Variants in TRIM62 observed in about 807,000 individuals in gnomAD.
The protein encoded by TRIM62 is E3 ubiquitin-protein ligase TRIM62.
TRIM62 carries 39 observed loss-of-function variants against 44.2 expected under a neutral mutation model. The ratio of observed to expected loss-of-function variants is 0.88; its 90% CI spans 0.68 to 1.15. The LOEUF is 1.15. Among genes scored for constraint, TRIM62 ranks in the 50% most tolerant of loss-of-function variants. The pLI, the probability that TRIM62 is intolerant of heterozygous loss-of-function variation, is 0.00. For missense variants in TRIM62, 544 were observed against 665.5 expected (o/e 0.82, Z 2.01); for synonymous variants, 278 against 292.3 (o/e 0.95, Z 0.50).
At chr1:33,174,231 T>G (rs645594) in intron 1 of TRIM62, among the ~76,000 whole-genome samples, 151,637 of 152,058 alleles carry the variant, frequency 1, 75,608 homozygotes, top group Non-Finnish European at 1. Context: ...AGGCTGGCTG[T>G]AGTGCAGTGG....
intron 4 of TRIM62, among the ~76,000 whole-genome samples, chr1:33,157,287 G>A (rs569502217): frequency 1.2e-4 from 18 of 152,278 alleles, no homozygotes; most frequent in Admixed American, 5.9e-4. Flanking sequence ...CTGGGAAACA[G>A]AGGGAGACTG....
At chr1:33,175,031 T>TATGTATATGTATATGTA (rs1161088243) in intron 1 of TRIM62, among the ~76,000 whole-genome samples, 1,928 of 147,136 alleles carry the variant, frequency 0.013, 51 homozygotes, top group African/African-American at 0.042. Flanking sequence ...ATGTATATGT[T>TATGTATATGTATATGTA]TATGTATATG....
In TRIM62 at chr1:33,165,491, G is replaced by T; in HGVS notation, c.484C>A (p.Arg162=). Residue 162 remains arginine (R), a synonymous_variant, in exon 2 of 5, where the codon CGA becomes AGA. Transcript: ENST00000291416. This position sits in a 1 kb window ranked among gnomAD's most constrained non-coding sequence, Gnocchi z 4.0. The part of the protein sequence containing the change: ...EHTEALQLLK[R]QLAETKSSTK... ...CTCACCTTGGTCTCCGCCAGTTGTC[G>T]CTTGAGCAGCTGCAGCGCTTCGGTG... 4 of 1,607,388 alleles carry T rather than the reference G, an allele frequency of 2.5e-6. No homozygotes were observed. Among genetic ancestry groups the T allele is most frequent in the Non-Finnish European group, 3.4e-6 (4 of 1,176,962 alleles).
chr1:33,168,094 T>C (rs1645344191), intron 1 of TRIM62, among the ~76,000 whole-genome samples: 1 of 152,008 alleles, frequency 6.6e-6, no homozygotes, highest in African/African-American at 2.4e-5. Context: ...TTAGGTAGGG[T>C]GGCCAGGGAA....
rs1645342410 is a variant in TRIM62, at chr1:33,167,866, A to G, written c.409-2300T>C. Among the ~76,000 whole-genome samples, 1 of 152,242 alleles carries G rather than the reference A, an allele frequency of 6.6e-6. No individual in the cohort carries two copies. Among genetic ancestry groups the G allele is most frequent in the African/African-American group, 2.4e-5 (1 of 41,464 alleles). On this transcript the variant is annotated intron_variant, in intron 1 of 4. Coordinates refer to ENST00000291416, the MANE Select transcript of TRIM62 (RefSeq NM_018207.3). The surrounding 1 kb of genome is among the most constrained non-coding windows in gnomAD (Gnocchi z 4.2). ...ACAAAATTATCTTTGATTACTATCAATTATTCATTTAAAAAACATTTCTTG... is the reference window on the plus strand; with the variant it reads ...ACAAAATTATCTTTGATTACTATCAGTTATTCATTTAAAAAACATTTCTTG...
Position 33,159,823 on chromosome 1 carries a change from G to T in TRIM62, c.626C>A (p.Thr209Asn), listed in dbSNP as rs1329569074. 2 of 1,613,838 alleles carry T rather than the reference G, an allele frequency of 1.2e-6. No individual in the cohort carries two copies. Among genetic ancestry groups the T allele is most frequent in the Admixed American group, 3.3e-5 (2 of 60,034 alleles). ...GCGCTGGACTTTCTGCTCGATGTCGGTCAGCGTGCGGGCCGTGTCCGCCTC... is the reference window on the plus strand; with the variant it reads ...GCGCTGGACTTTCTGCTCGATGTCGTTCAGCGTGCGGGCCGTGTCCGCCTC... ...ELEADTARTL[T>N]DIEQKVQRYS... Residue 209 changes from threonine to asparagine, a missense_variant, in exon 3 of 5, where the codon ACC (threonine) becomes AAC (asparagine). Transcript: ENST00000291416. The surrounding 1 kb of genome is among the most constrained non-coding windows in gnomAD (Gnocchi z 4.2).
At chr1:33,180,953 T>TGGGGGG in intron 1 of TRIM62, 72 bp downstream of exon 1, 2 of 724,328 alleles carry the variant, frequency 2.8e-6, no homozygotes, top group Non-Finnish European at 3.9e-6. Context: ...GGTCCAGCCC[T>TGGGGGG]GACCCCACCC....
intron 4 of TRIM62, among the ~76,000 whole-genome samples, chr1:33,152,009 T>C (rs1191721877): frequency 6.6e-6 from 1 of 152,204 alleles, no homozygotes; most frequent in Non-Finnish European, 1.5e-5. Context: ...AAAAACCAGG[T>C]TCCTCAGTCC....
chr1:33,154,463 A>G (rs1348415807), intron 4 of TRIM62, among the ~76,000 whole-genome samples: 1 of 151,898 alleles, frequency 6.6e-6, no homozygotes, highest in Admixed American at 6.5e-5. Flanking sequence ...TTGCTCAGCT[A>G]TATGGAACCA....
At position 33,181,713 on chromosome 1, in the gene TRIM62, G is replaced by T; in HGVS notation, c.-281C>A. 2.1e-6 allele frequency: 1 copy of T among 487,562 alleles called. No individual in the cohort carries two copies. Among genetic ancestry groups the T allele is most frequent in the Non-Finnish European group, 3.6e-6 (1 of 278,108 alleles). The allele number at this position is 487,562 out of a possible 1,614,324, so 30.2% of individuals were successfully genotyped here. On this transcript the variant is annotated 5_prime_UTR_variant, in exon 1 of 5. Transcript: ENST00000291416. The surrounding 1 kb of genome is among the most constrained non-coding windows in gnomAD (Gnocchi z 6.5). ...TGGGAGGAGGCTGTGAGCGGCTGAG[G>T]GACGGAGATCCTGACGGGGAGGTTC... is the stretch of plus-strand genomic sequence containing the variant.
At position 33,158,293 on chromosome 1, in the gene TRIM62, C is replaced by T; in HGVS notation, c.837G>A (p.Gln279=). The T allele has an allele frequency of 2.5e-6, 4 of 1,614,070 alleles. No individual in the cohort carries two copies. Among genetic ancestry groups the T allele is most frequent in the Non-Finnish European group, 3.4e-6 (4 of 1,179,950 alleles). Residue 279 remains glutamine, a synonymous_variant, in exon 4 of 5, where the codon CAG becomes CAA. Transcript: ENST00000291416. ...GGAACAGGGACTTCCAGATGGTGTA[C>T]TGCAGGGGGCCTGTGTACTTGGAGG... ...FPTSKYTGPL[Q]YTIWKSLFQD...
At chr1:33,153,354 C>G (rs1016700080) in intron 4 of TRIM62, among the ~76,000 whole-genome samples, 25 of 152,196 alleles carry the variant, frequency 1.6e-4, no homozygotes, top group Admixed American at 2.6e-4. Context: ...TCTGTTCCTC[C>G]CTCAGCTCCT....
intron 1 of TRIM62, chr1:33,176,456 G>A (rs1645420324): frequency 2.9e-6 from 2 of 695,718 alleles, no homozygotes; most frequent in Non-Finnish European, 5.3e-6. Context: ...CTGGCATGAA[G>A]GAAGCCTTGG....
intron 1 of TRIM62, among the ~76,000 whole-genome samples, chr1:33,172,435 G>A (rs1219285590): frequency 3.3e-5 from 5 of 152,062 alleles, no homozygotes; most frequent in Non-Finnish European, 7.4e-5. Flanking sequence ...TGACAGGTGG[G>A]TGGAGTCACA....
At position 33,181,215 on chromosome 1, in the gene TRIM62, T is replaced by C; in HGVS notation, c.218A>G (p.Glu73Gly). The C allele has an allele frequency of 6.3e-7, 1 of 1,578,420 alleles. No homozygotes were observed. The highest frequency in any genetic ancestry group is 8.6e-7 in the Non-Finnish European group (1 of 1,167,878). The change falls in exon 1 of 5, where the codon GAG (glutamate) becomes GGG (glycine). Residue 73 changes from glutamate (E) to glycine (G), a missense_variant. By Grantham distance (98) the Glu-to-Gly change is moderately conservative (BLOSUM62 -2). Coordinates refer to ENST00000291416, the MANE Select transcript of TRIM62 (RefSeq NM_018207.3). This position sits in a 1 kb window ranked among gnomAD's most constrained non-coding sequence, Gnocchi z 6.5. ...APSLKLANIV[E>G]RYSSFPLDAI... is the part of the protein sequence containing the mutation. ...GTCCAGCGGGAAGGAGCTGTAGCGCTCCACGATGTTGGCCAGCTTGAGGCT... is the reference window on the plus strand; with the variant it reads ...GTCCAGCGGGAAGGAGCTGTAGCGCCCCACGATGTTGGCCAGCTTGAGGCT...
chr1:33,165,438 C>T lies in TRIM62; in HGVS notation c.504+33G>A, dbSNP rs1288213461. 1 of 1,541,460 alleles carries T rather than the reference C, an allele frequency of 6.5e-7. No individual in the cohort carries two copies. The highest frequency in any genetic ancestry group is 8.8e-7 in the Non-Finnish European group (1 of 1,140,196). ...CCTCGAAGCCCTGCCCTCATCTCTG[C>T]CGGCCCCACCTCCGCGCCCCGGCCA... is the stretch of plus-strand genomic sequence containing the variant. On this transcript the variant is annotated intron_variant, in intron 2 of 4. Transcript: ENST00000291416. The surrounding 1 kb of genome is among the most constrained non-coding windows in gnomAD (Gnocchi z 4.0).
At chr1:33,168,697 C>G (rs1239320402) in intron 1 of TRIM62, among the ~76,000 whole-genome samples, 2 of 152,238 alleles carry the variant, frequency 1.3e-5, no homozygotes, top group African/African-American at 4.8e-5. Context: ...GTCCTCGGAG[C>G]AGAGGAATCT....
In TRIM62 at chr1:33,181,224, T is replaced by C; in HGVS notation, c.209A>G (p.Asn70Ser). The part of the protein sequence containing the change: ...PALAPSLKLA[N>S]IVERYSSFPL... ...GAAGGAGCTGTAGCGCTCCACGATG[T>C]TGGCCAGCTTGAGGCTGGGCGCCAG... Residue 70 changes from asparagine to serine, a missense_variant, in exon 1 of 5, where the codon AAC (asparagine) becomes AGC (serine). Asn to Ser is a conservative substitution (Grantham distance 46). Transcript: ENST00000291416. This position sits in a 1 kb window ranked among gnomAD's most constrained non-coding sequence, Gnocchi z 6.5. The C allele has an allele frequency of 6.4e-7, 1 of 1,570,976 alleles. No homozygotes were observed.
chr1:33,177,402 T>G lies in TRIM62; in HGVS notation c.408+3623A>C, dbSNP rs1645430623. ...GAACATCATATCCTCTTGTTATAGA[T>G]GAACCTTAGAGAAGGAGCCTTAGAG... On this transcript the variant is annotated intron_variant, in intron 1 of 4. Coordinates refer to ENST00000291416, the MANE Select transcript of TRIM62 (RefSeq NM_018207.3). The surrounding 1 kb of genome is among the most constrained non-coding windows in gnomAD (Gnocchi z 4.1). Among the ~76,000 whole-genome samples the G allele has an allele frequency of 6.6e-6, 1 of 152,120 alleles. No homozygotes were observed. The highest frequency in any genetic ancestry group is 2.4e-5 in the African/African-American group (1 of 41,404).
Sources: allele counts gnomAD v4.1 joint callset (sites outside exome capture counted in the v4.1 genomes callset), GRCh38; gene constraint gnomAD v4.1.1; non-coding constraint Gnocchi (gnomAD v3.1); transcripts MANE v1.5; gene names NCBI Gene and HGNC (gene_info 2026-07-23, HGNC 2026-07-21).